The following HLCS variants were observed in gnomAD, a reference collection of about 807,000 sequenced individuals.
HLCS encodes holocarboxylase synthetase.
HLCS carries 53 observed loss-of-function variants against 75.0 expected under a neutral mutation model. The ratio of observed to expected loss-of-function variants is 0.71; its 90% CI spans 0.57 to 0.89. The LOEUF (loss-of-function observed/expected upper bound fraction) is 0.89, where lower values mean the gene tolerates loss of function less well. HLCS is among the 40% of genes least tolerant of loss of function. HLCS has a pLI of 0.00. For synonymous variants in HLCS, 431 were observed against 428.6 expected (o/e 1.01, Z -0.07); for missense variants, 966 against 1,074.0 (o/e 0.90, Z 1.41).
chr21:36,918,257 C>T (rs1038841969), intron 5 of HLCS, among the ~76,000 whole-genome samples: 1 of 152,194 alleles, frequency 6.6e-6, no homozygotes, highest in South Asian at 2.1e-4. Context: ...GAAAATGCTG[C>T]AACCATTCAT....
rs1163257611 is a variant in HLCS, at chr21:36,962,016, C to T, written c.330+20G>A. 6 of 1,280,634 alleles carry T rather than the reference C, an allele frequency of 4.7e-6. No homozygotes were observed. Among genetic ancestry groups the T allele is most frequent in the African/African-American group, 1.5e-5 (1 of 65,016 alleles). The allele number at this position is 1,280,634 out of a possible 1,614,324, so 79.3% of individuals were successfully genotyped here. On this transcript the variant is annotated intron_variant, in intron 2 of 10. Transcript: ENST00000674895. ...AGACACATCAGTTCCTTATGGGACA[C>T]AAGTAAACATGGTACTCACTGTTTC...
intron 6 of HLCS, among the ~76,000 whole-genome samples, chr21:36,870,043 GC>G (rs2063716966): frequency 6.6e-6 from 1 of 152,158 alleles, no homozygotes; most frequent in Admixed American, 6.5e-5. Context: ...GAAGTTGTTT[GC>G]CACGATTTTA....
intron 6 of HLCS, among the ~76,000 whole-genome samples, chr21:36,823,471 C>T (rs376158217): frequency 1.3e-5 from 2 of 152,168 alleles, no homozygotes; most frequent in Non-Finnish European, 2.9e-5. Context: ...ACTAGAAACA[C>T]GAACTTGTTA....
intron 2 of HLCS, among the ~76,000 whole-genome samples, chr21:36,959,263 G>A (rs75033784): frequency 0.018 from 2,668 of 152,280 alleles, 29 homozygotes; most frequent in Middle Eastern, 0.058. Flanking sequence ...GTCGCAACCC[G>A]GCCAGGTGGG....
intron 5 of HLCS, among the ~76,000 whole-genome samples, chr21:36,929,739 C>T (rs1273552605): frequency 6.6e-6 from 1 of 152,228 alleles, no homozygotes; most frequent in Non-Finnish European, 1.5e-5. Flanking sequence ...TGCCCAAAAC[C>T]AGGTATCAAT....
At chr21:36,985,603 T>G (rs2038580931) in intron 1 of HLCS, among the ~76,000 whole-genome samples, 1 of 152,142 alleles carries the variant, frequency 6.6e-6, no homozygotes, top group Admixed American at 6.5e-5. Context: ...CCATCTCTAC[T>G]AAAAATACAA....
At chr21:36,958,023 C>T (rs1034484662) in intron 2 of HLCS, among the ~76,000 whole-genome samples, 2 of 151,046 alleles carry the variant, frequency 1.3e-5, no homozygotes, top group Non-Finnish European at 2.9e-5. Context: ...GTCAGGAGAT[C>T]GAAACCATCC....
intron 6 of HLCS, among the ~76,000 whole-genome samples, chr21:36,801,111 C>G (rs1312328419): frequency 6.6e-6 from 1 of 152,116 alleles, no homozygotes; most frequent in African/African-American, 2.4e-5. Flanking sequence ...TATGTATTTC[C>G]TACATAAATA....
At position 36,922,939 on chromosome 21, in the gene HLCS, A is replaced by G. The variant is rs775966244; in HGVS notation, c.1620+7312T>C. On this transcript the variant is annotated intron_variant, in intron 5 of 10. Coordinates refer to ENST00000674895, the MANE Select transcript of HLCS (RefSeq NM_001352514.2). ...CACATCCCAAGAACTGAAGGAGAAC[A>G]TTTATCAAATGGGATTCGGGTCTCA... is the stretch of plus-strand genomic sequence containing the variant. Among the ~76,000 whole-genome samples, 80 of 152,364 alleles carry G rather than the reference A, an allele frequency of 5.3e-4. 1 individual carries two copies. Among genetic ancestry groups the G allele is most frequent in the Non-Finnish European group, 6.2e-4 (42 of 68,024 alleles).
chr21:36,834,963 G>C (rs944632347), intron 6 of HLCS, among the ~76,000 whole-genome samples: 2 of 152,162 alleles, frequency 1.3e-5, no homozygotes, highest in African/African-American at 4.8e-5. Context: ...AAGTGTGGGG[G>C]GTCAGGAGTT....
At chr21:36,928,869 C>A (rs2066515550) in intron 5 of HLCS, among the ~76,000 whole-genome samples, 2 of 152,200 alleles carry the variant, frequency 1.3e-5, no homozygotes, top group Non-Finnish European at 2.9e-5. Flanking sequence ...TCAAGCATTT[C>A]ATTCCCAAAG....
chr21:36,788,826 T>C (rs904774574), intron 6 of HLCS, among the ~76,000 whole-genome samples: 1 of 152,202 alleles, frequency 6.6e-6, no homozygotes, highest in African/African-American at 2.4e-5. Context: ...AGCTCTTTAA[T>C]TGCTAGTAGT....
At chr21:36,759,618 T>C (rs2089748282) in intron 9 of HLCS, 109 bp downstream of exon 9, 2 of 728,292 alleles carry the variant, frequency 2.7e-6, no homozygotes, top group African/African-American at 1.8e-5. Context: ...AGACTCAAAG[T>C]AACCTCATAT....
intron 5 of HLCS, among the ~76,000 whole-genome samples, chr21:36,925,523 G>A (rs917298773): frequency 1.4e-4 from 22 of 152,174 alleles, no homozygotes; most frequent in Non-Finnish European, 4.4e-5. Context: ...AGCACGTCCA[G>A]TTCCCCAAGG....
intron 6 of HLCS, among the ~76,000 whole-genome samples, chr21:36,885,959 G>C (rs778154637): frequency 3.9e-5 from 6 of 152,186 alleles, no homozygotes; most frequent in Non-Finnish European, 7.3e-5. Context: ...ACCAGGGCCA[G>C]CAGGACCCCA....
At chr21:36,841,777 C>G (rs1462842427) in intron 6 of HLCS, among the ~76,000 whole-genome samples, 1 of 152,230 alleles carries the variant, frequency 6.6e-6, no homozygotes, top group African/African-American at 2.4e-5. Flanking sequence ...TGGCTGGGCT[C>G]TGTTCTGCAG....
intron 2 of HLCS, chr21:36,948,299 A>C (rs2067504535): frequency 6.6e-6 from 1 of 151,900 alleles, no homozygotes; most frequent in South Asian, 2.1e-4. Context: ...TAGAAAAAAA[A>C]AAAAAAAAAA....
At chr21:36,867,009 GT>G (rs1190478156) in intron 6 of HLCS, among the ~76,000 whole-genome samples, 1 of 152,082 alleles carries the variant, frequency 6.6e-6, no homozygotes, top group Non-Finnish European at 1.5e-5. Flanking sequence ...CCCACAGATG[GT>G]TGCAGAGAAA....
intron 6 of HLCS, among the ~76,000 whole-genome samples, chr21:36,871,290 G>T: frequency 6.6e-6 from 1 of 152,078 alleles, no homozygotes; most frequent in East Asian, 1.9e-4. Flanking sequence ...TTAAATTTTG[G>T]TACTTAGAGT....
Sources: gnomAD v4.1 joint callset for allele counts (sites outside exome capture counted in the v4.1 genomes callset) on GRCh38, gnomAD v4.1.1 for gene constraint, MANE v1.5 for transcripts, NCBI Gene and HGNC (gene_info 2026-07-23, HGNC 2026-07-21) for gene names.